Variants in HCN1 observed in about 807,000 individuals in gnomAD.
HCN1 encodes the protein hyperpolarization activated cyclic nucleotide gated potassium channel 1, also known as potassium/sodium hyperpolarization-activated cyclic nucleotide-gated channel 1.
Under a neutral mutation model 78.9 loss-of-function variants are expected in HCN1, and 13 were observed. The ratio of observed to expected loss-of-function variants is 0.16; its 90% CI spans 0.11 to 0.26. HCN1 has a LOEUF of 0.26. Ranked by LOEUF, HCN1 falls within the 10% of genes least tolerant of loss-of-function variation. The pLI, the probability that HCN1 is intolerant of heterozygous loss-of-function variation, is 1.00. For synonymous variants in HCN1, 552 were observed against 455.5 expected, an observed-to-expected ratio of 1.21 and a Z score of -2.70; for missense variants, 810 against 1,154.3, an observed-to-expected ratio of 0.70 and a Z score of 4.32.
chr5:45,671,894 G>A (rs1427277884), intron 1 of HCN1, among the ~76,000 whole-genome samples: 1 of 151,534 alleles, frequency 6.6e-6, no homozygotes, highest in Non-Finnish European at 1.5e-5. Flanking sequence ...TAAGTTTGCA[G>A]ATAATAGGGT....
At chr5:45,642,125 T>A (rs976232896) in intron 2 of HCN1, 2 of 152,180 alleles carry the variant, frequency 1.3e-5, no homozygotes, top group African/African-American at 4.8e-5. Context: ...GCTTGATTTA[T>A]CTAAATTGTC....
At position 45,257,420 on chromosome 5, in the gene HCN1, A is replaced by T. The variant is rs1744639279; in HGVS notation, c.*4501T>A. The T allele has an allele frequency of 6.6e-6, 1 of 152,166 alleles. No individual in the cohort carries two copies. The highest frequency in any genetic ancestry group is 1.5e-5 in the Non-Finnish European group (1 of 68,040). 9.4% of individuals were successfully genotyped at this position (152,166 alleles called of 1,614,324 possible). A position where few individuals can be genotyped will look rare whatever the true frequency, so the allele number is the denominator to read the frequency against. On this transcript the variant is annotated 3_prime_UTR_variant, in exon 8 of 8. Transcript: ENST00000303230. ...ATGATAATTATTTCCCCAGCATTTA[A>T]TGTATTACTCATTCTCTCCACATCA...
intron 4 of HCN1, among the ~76,000 whole-genome samples, chr5:45,392,047 G>A (rs369599861): frequency 5.3e-5 from 8 of 151,962 alleles, no homozygotes; most frequent in Non-Finnish European, 8.8e-5. Flanking sequence ...TTGATTTGGC[G>A]CCACTCCTCC....
chr5:45,637,390 T>A (rs1160725935), intron 2 of HCN1, among the ~76,000 whole-genome samples: 2 of 152,072 alleles, frequency 1.3e-5, no homozygotes, highest in African/African-American at 4.8e-5. Flanking sequence ...ATTGAGGGAA[T>A]AACTGAAATC....
At chr5:45,569,847 CTCA>C (rs1561204753) in intron 2 of HCN1, among the ~76,000 whole-genome samples, 1 of 151,724 alleles carries the variant, frequency 6.6e-6, no homozygotes, top group East Asian at 1.9e-4. Flanking sequence ...CATCCTTATC[CTCA>C]TCATCATCAT....
intron 5 of HCN1, among the ~76,000 whole-genome samples, chr5:45,304,207 G>A (rs1223036827): frequency 2.0e-5 from 3 of 151,854 alleles, no homozygotes; most frequent in Non-Finnish European, 4.4e-5. Context: ...TACGAAGAAA[G>A]AAAGCCATAT....
intron 3 of HCN1, among the ~76,000 whole-genome samples, chr5:45,449,224 T>C (rs1740860343): frequency 6.6e-6 from 1 of 152,210 alleles, no homozygotes; most frequent in Admixed American, 6.5e-5. Flanking sequence ...TACAAATATG[T>C]TAAGTCAGTT....
intron 2 of HCN1, among the ~76,000 whole-genome samples, chr5:45,482,486 A>G (rs139696922): frequency 6.6e-6 from 1 of 152,296 alleles, no homozygotes; most frequent in African/African-American, 2.4e-5. Flanking sequence ...TAGCAAAAAG[A>G]CTTTCCACAG....
chr5:45,689,100 A>G (rs1739859401), intron 1 of HCN1, among the ~76,000 whole-genome samples: 1 of 152,144 alleles, frequency 6.6e-6, no homozygotes, highest in Non-Finnish European at 1.5e-5. Context: ...TTACTAGAAA[A>G]TATTGAATTG....
At chr5:45,692,437 A>G (rs1739931342) in intron 1 of HCN1, among the ~76,000 whole-genome samples, 1 of 152,178 alleles carries the variant, frequency 6.6e-6, no homozygotes, top group Non-Finnish European at 1.5e-5. Flanking sequence ...ATTTGTTTTT[A>G]AGTAACTATC....
intron 1 of HCN1, among the ~76,000 whole-genome samples, chr5:45,670,385 T>C (rs1352659865): frequency 1.3e-4 from 19 of 151,752 alleles, no homozygotes; most frequent in Non-Finnish European, 2.5e-4. Flanking sequence ...GGAGAGAATT[T>C]TAATTCCAAC....
intron 5 of HCN1, among the ~76,000 whole-genome samples, chr5:45,329,949 G>A (rs1417189982): frequency 6.6e-6 from 1 of 151,340 alleles, no homozygotes; most frequent in Middle Eastern, 3.4e-3. Context: ...ATTCCAGATA[G>A]GAGAGCAAAG....
At chr5:45,504,613 C>T (rs1052406741) in intron 2 of HCN1, among the ~76,000 whole-genome samples, 14 of 151,934 alleles carry the variant, frequency 9.2e-5, no homozygotes, top group Admixed American at 6.6e-5. Flanking sequence ...GGGTATATAC[C>T]CAGTAATGGG....
At chr5:45,300,381 C>A (rs1745586884) in intron 6 of HCN1, among the ~76,000 whole-genome samples, 2 of 151,972 alleles carry the variant, frequency 1.3e-5, no homozygotes, top group Admixed American at 1.3e-4. Context: ...GTAACCCCTT[C>A]TCTTCCTTCT....
At chr5:45,493,678 C>A (rs972708866) in intron 2 of HCN1, among the ~76,000 whole-genome samples, 3 of 151,154 alleles carry the variant, frequency 2.0e-5, no homozygotes, top group African/African-American at 4.9e-5. Flanking sequence ...TATACATGTG[C>A]CATGCTGGTG....
intron 2 of HCN1, among the ~76,000 whole-genome samples, chr5:45,633,813 T>A (rs1745311798): frequency 6.6e-6 from 1 of 151,942 alleles, no homozygotes; most frequent in African/African-American, 2.4e-5. Context: ...AAATCACATA[T>A]CTAAGAAATG....
chr5:45,292,105 T>C (rs1323201237), intron 6 of HCN1, among the ~76,000 whole-genome samples: 1 of 152,020 alleles, frequency 6.6e-6, no homozygotes, highest in Non-Finnish European at 1.5e-5. Context: ...GAATGTAATT[T>C]ATTTGCCCCA....
Position 45,595,490 on chromosome 5 carries a change from A to G in HCN1, c.849+49695T>C, listed in dbSNP as rs556839289. 7.2e-5 allele frequency among the ~76,000 whole-genome samples: 11 copies of G among 152,232 alleles called. No individual in the cohort carries two copies. The East Asian group carries it at 1.5e-3, about 21-fold the overall frequency. On this transcript the variant is annotated intron_variant, in intron 2 of 7. Transcript: ENST00000303230. ...GTAGCTGGAATTACAGGTGCATGCC[A>G]CCACATCAGGCTATATTGAAGCTGT...
At chr5:45,604,369 T>C (rs566558046) in intron 2 of HCN1, among the ~76,000 whole-genome samples, 238 of 151,998 alleles carry the variant, frequency 1.6e-3, no homozygotes, top group African/African-American at 5.6e-3. Context: ...TTACACACTC[T>C]TAATGATTCT....
Sources: allele counts gnomAD v4.1 joint callset (sites outside exome capture counted in the v4.1 genomes callset), GRCh38; gene constraint gnomAD v4.1.1; transcripts MANE v1.5; gene names NCBI Gene and HGNC (gene_info 2026-07-23, HGNC 2026-07-21).